Variants in AGTRAP observed in about 807,000 individuals in gnomAD.
AGTRAP encodes the protein type-1 angiotensin II receptor-associated protein.
A neutral mutation model predicts 15.2 loss-of-function variants in AGTRAP; 7 were observed. The ratio of observed to expected loss-of-function variants is 0.46; its 90% CI spans 0.26 to 0.87. The LOEUF (loss-of-function observed/expected upper bound fraction) is 0.87. Ranked by LOEUF, AGTRAP falls within the 40% of genes least tolerant of loss-of-function variation. AGTRAP has a pLI of 0.15. For synonymous variants in AGTRAP, 74 were observed against 89.6 expected (o/e 0.83, Z 0.98); for missense variants, 187 against 213.4 (o/e 0.88, Z 0.77).
chr1:11,742,529 T>C (rs953346739), intron 1 of AGTRAP, among the ~76,000 whole-genome samples: 2 of 151,936 alleles, frequency 1.3e-5, no homozygotes, highest in African/African-American at 2.4e-5. Flanking sequence ...TTCTTTTCTT[T>C]CTTTCCTTAC....
Position 11,748,412 on chromosome 1 carries a change from C to A in AGTRAP, c.169-3C>A. The stretch of plus-strand genomic sequence containing the variant: ...GTGCTCATCAGTGTGGTGTGTCTTG[C>A]AGTTTCTGGGTGGCTTGCTGGCCAC... On this transcript the variant is annotated splice_polypyrimidine_tract_variant and splice_region_variant and intron_variant, in intron 3 of 4. Transcript: ENST00000314340. 1.2e-6 allele frequency: 2 copies of A among 1,612,982 alleles called. No homozygotes were observed. Among genetic ancestry groups the A allele is most frequent in the Non-Finnish European group, 1.7e-6 (2 of 1,179,540 alleles).
At chr1:11,737,939 G>A (rs1029884867) in intron 1 of AGTRAP, among the ~76,000 whole-genome samples, 6 of 151,662 alleles carry the variant, frequency 4.0e-5, no homozygotes, top group Admixed American at 1.3e-4. Context: ...TTGTCAGGTC[G>A]TGTACAGGAG....
chr1:11,736,739 G>A (rs916026441), intron 1 of AGTRAP, among the ~76,000 whole-genome samples: 2 of 152,214 alleles, frequency 1.3e-5, no homozygotes, highest in African/African-American at 4.8e-5. Context: ...CACATCCAGC[G>A]CCCTTATTTC....
At position 11,745,896 on chromosome 1, in the gene AGTRAP, G is replaced by A. The variant is rs548005733; in HGVS notation, c.62+59G>A. The A allele has an allele frequency of 1.2e-5, 20 of 1,604,096 alleles. No homozygotes were observed. The highest frequency in any genetic ancestry group is 3.3e-5 in the South Asian group (3 of 90,878). ...TGCGGTCTCAGGGTCTGTGTCAGCCGGGTCAGGTCCTGGTTCTGCCGTGTT... is the reference window on the plus strand; with the variant it reads ...TGCGGTCTCAGGGTCTGTGTCAGCCAGGTCAGGTCCTGGTTCTGCCGTGTT... On this transcript the variant is annotated intron_variant, in intron 2 of 4. Transcript: ENST00000314340. This position sits in a 1 kb window ranked among gnomAD's most constrained non-coding sequence, Gnocchi z 4.2.
chr1:11,748,235 C>T (rs1473864121), intron 3 of AGTRAP, among the ~76,000 whole-genome samples, 180 bp from the exon 4 acceptor site: 1 of 152,194 alleles, frequency 6.6e-6, no homozygotes, highest in Non-Finnish European at 1.5e-5. Context: ...GCATCCCTGC[C>T]CCCAGACTGC....
At chr1:11,737,588 G>A (rs1641930213) in intron 1 of AGTRAP, among the ~76,000 whole-genome samples, 1 of 152,164 alleles carries the variant, frequency 6.6e-6, no homozygotes, top group Non-Finnish European at 1.5e-5. Flanking sequence ...TGGGTAAATT[G>A]CCAAGGTCCC....
At chr1:11,749,995 G>C (rs917334746) in intron 4 of AGTRAP, 82 bp from the exon 5 acceptor site, 10 of 1,110,748 alleles carry the variant, frequency 9.0e-6, no homozygotes, top group African/African-American at 3.1e-5. Context: ...GGTGGCGGGG[G>C]TGGATCTTGG....
Position 11,750,218 on chromosome 1 carries a change from G to T in AGTRAP, c.*26G>T, listed in dbSNP as rs762759281. The T allele has an allele frequency of 1.3e-6, 2 of 1,587,432 alleles. No individual in the cohort carries two copies. The highest frequency in any genetic ancestry group is 1.7e-6 in the Non-Finnish European group (2 of 1,159,496). On this transcript the variant is annotated 3_prime_UTR_variant, in exon 5 of 5. Transcript: ENST00000314340. ...AGCCAGCCACGCTGCGCCCGGCCCTGCCCCGGGCCTTCCTCGTGCCTGGGA... is the reference window on the plus strand; with the variant it reads ...AGCCAGCCACGCTGCGCCCGGCCCTTCCCCGGGCCTTCCTCGTGCCTGGGA...
intron 2 of AGTRAP, 177 bp downstream of exon 2, chr1:11,746,014 G>A (rs1483624888): frequency 1.5e-6 from 2 of 1,329,774 alleles, no homozygotes; most frequent in South Asian, 1.2e-5. Flanking sequence ...CCCTGCAGGA[G>A]CTGGGAGGGA....
rs541893911 is a variant in AGTRAP, at chr1:11,741,406, G to A, written c.28-4397G>A. Among the ~76,000 whole-genome samples, 40 of 152,352 alleles carry A rather than the reference G, an allele frequency of 2.6e-4. 1 individual carries two copies. The Middle Eastern group carries it at 0.014, about 52-fold the overall frequency. On this transcript the variant is annotated intron_variant, in intron 1 of 4. Coordinates refer to ENST00000314340, the MANE Select transcript of AGTRAP (RefSeq NM_020350.5). Reference sequence around the variant, plus strand: ...CTGGTTAGCGAGGTCAGTACTGAGAGCGCAGCTCCGAATCTGCTCTGCACA... The same window carrying A: ...CTGGTTAGCGAGGTCAGTACTGAGAACGCAGCTCCGAATCTGCTCTGCACA...
At chr1:11,739,118 T>C (rs923116208) in intron 1 of AGTRAP, among the ~76,000 whole-genome samples, 7 of 152,142 alleles carry the variant, frequency 4.6e-5, no homozygotes, top group African/African-American at 2.4e-5. Flanking sequence ...AGGTCTTGAG[T>C]AGGTTTCTGT....
intron 2 of AGTRAP, among the ~76,000 whole-genome samples, chr1:11,747,115 T>C (rs1642182320): frequency 6.6e-6 from 1 of 152,124 alleles, no homozygotes; most frequent in South Asian, 2.1e-4. Context: ...GACAGAAAAC[T>C]GTTGGAGGAT....
chr1:11,741,309 ATGCTTTCCTTCAATCAGG>A (rs1428960739), intron 1 of AGTRAP, among the ~76,000 whole-genome samples: 2 of 151,926 alleles, frequency 1.3e-5, no homozygotes, highest in Admixed American at 6.6e-5. Context: ...TTCCTTCAGG[ATGCTTTCCTTCAATCAGG>A]TGCTTTCCTT....
Position 11,750,362 on chromosome 1 carries a change from C to A in AGTRAP, c.*170C>A. ...CCCCCATGGGCCGCCCAGTACCATG[C>A]ACACTCCTGTCCCGAACTCCCTGAG... is the stretch of plus-strand genomic sequence containing the variant. On this transcript the variant is annotated 3_prime_UTR_variant, in exon 5 of 5. Coordinates refer to ENST00000314340, the MANE Select transcript of AGTRAP (RefSeq NM_020350.5). 2.9e-6 allele frequency: 2 copies of A among 692,364 alleles called. No homozygotes were observed. 42.9% of individuals were successfully genotyped at this position (692,364 alleles called of 1,614,324 possible). A position where few individuals can be genotyped will look rare whatever the true frequency, so the allele number is the denominator to read the frequency against.
chr1:11,738,687 G>C (rs1641955981), intron 1 of AGTRAP, among the ~76,000 whole-genome samples: 1 of 152,162 alleles, frequency 6.6e-6, no homozygotes, highest in African/African-American at 2.4e-5. Context: ...CAGGTGACTT[G>C]CCTAAGGTCA....
rs534176254 is a variant in AGTRAP, at chr1:11,748,747, C to T, written c.364+137C>T. 6 of 1,019,944 alleles carry T rather than the reference C, an allele frequency of 5.9e-6. No individual in the cohort carries two copies. In the African/African-American group the frequency reaches 6.4e-5, roughly 11 times the overall value. The allele number at this position is 1,019,944 out of a possible 1,614,324, so 63.2% of individuals were successfully genotyped here. A position where few individuals can be genotyped will look rare whatever the true frequency, so the allele number is the denominator to read the frequency against. The stretch of plus-strand genomic sequence containing the variant: ...GCAGGGAGAGCGTGGCATGGGCGCT[C>T]TGTACTAGGCTGGACAGGTCCAAGC... On this transcript the variant is annotated intron_variant, in intron 4 of 4. Coordinates refer to ENST00000314340, the MANE Select transcript of AGTRAP (RefSeq NM_020350.5).
rs766338621 is a variant in AGTRAP at position 11,748,643 on chromosome 1, G to C, written c.364+33G>C. 2.5e-6 allele frequency: 4 copies of C among 1,587,318 alleles called. No homozygotes were observed. In the East Asian group the frequency reaches 6.8e-5, roughly 27 times the overall value. On this transcript the variant is annotated intron_variant, in intron 4 of 4. Coordinates refer to ENST00000314340, the MANE Select transcript of AGTRAP (RefSeq NM_020350.5). ...CACCACCTCCAGCCAGCTCCTCACC[G>C]CTCCCTTCTCTCCCTTGCCTGGCCT...
At chr1:11,746,061 C>A (rs1642155700) in intron 2 of AGTRAP, 1 of 1,516,220 alleles carries the variant, frequency 6.6e-7, no homozygotes, top group Non-Finnish European at 9.1e-7. Context: ...CCAGGGCCTG[C>A]CCCACAGTGA....
chr1:11,744,231 C>G (rs17875934), intron 1 of AGTRAP, among the ~76,000 whole-genome samples: 1 of 152,066 alleles, frequency 6.6e-6, no homozygotes, highest in Non-Finnish European at 1.5e-5. Context: ...GCTGTGATGG[C>G]GCCACTGAAC....
Sources: allele counts gnomAD v4.1 joint callset (sites outside exome capture counted in the v4.1 genomes callset), GRCh38; gene constraint gnomAD v4.1.1; non-coding constraint Gnocchi (gnomAD v3.1); transcripts MANE v1.5; gene names NCBI Gene and HGNC (gene_info 2026-07-23, HGNC 2026-07-21).